ITGA9: variants seen among roughly 807,000 people sequenced by gnomAD.
ITGA9 encodes the protein integrin alpha-9.
ITGA9 carries 56 observed loss-of-function variants against 127.8 expected under a neutral mutation model. The observed-to-expected ratio is 0.44, with a 90% CI of 0.35 to 0.55. The LOEUF is 0.55. Among genes scored for constraint, ITGA9 ranks in the 20% least tolerant of loss-of-function variants. The pLI is 0.00. For missense variants in ITGA9, 1,196 were observed against 1,347.1 expected (o/e 0.89, Z 1.76); for synonymous variants, 508 against 514.5 (o/e 0.99, Z 0.17).
At chr3:37,721,482 C>G (rs1171450637) in intron 18 of ITGA9, among the ~76,000 whole-genome samples, 1 of 152,194 alleles carries the variant, frequency 6.6e-6, no homozygotes, top group East Asian at 1.9e-4. Flanking sequence ...TCATCTGCCT[C>G]AAACATTTGT....
intron 16 of ITGA9, among the ~76,000 whole-genome samples, chr3:37,639,598 AG>A (rs1375033805): frequency 6.6e-6 from 1 of 152,084 alleles, no homozygotes; most frequent in Non-Finnish European, 1.5e-5. Context: ...TCACTGGCTG[AG>A]GAGTTGGATG....
At chr3:37,618,771 A>T (rs180908551) in intron 15 of ITGA9, among the ~76,000 whole-genome samples, 19 of 152,336 alleles carry the variant, frequency 1.2e-4, no homozygotes, top group African/African-American at 2.9e-4. Context: ...TAGGCACGGG[A>T]TATAATCTCC....
rs1319458770 is a variant in ITGA9, at chr3:37,452,845, T to A, written c.185+286T>A. On this transcript the variant is annotated intron_variant, in intron 1 of 27. Transcript: ENST00000264741. This position sits in a 1 kb window ranked among gnomAD's most constrained non-coding sequence, Gnocchi z 7.3. ...TGGGGGGAGAGCCGCTAGAGTTGTC[T>A]CCTCCGCCGCCCAGCTAGACTCGGC... is the stretch of plus-strand genomic sequence containing the variant. Among the ~76,000 whole-genome samples the A allele has an allele frequency of 6.6e-6, 1 of 152,054 alleles. No homozygotes were observed. Among genetic ancestry groups the A allele is most frequent in the Non-Finnish European group, 1.5e-5 (1 of 67,976 alleles).
At position 37,518,771 on chromosome 3, in the gene ITGA9, C is replaced by CTTTTTTTTTTTTTTTT. The variant is rs543297344; in HGVS notation, c.1142-473_1142-458dup. 3.0e-4 allele frequency among the ~76,000 whole-genome samples: 13 copies of CTTTTTTTTTTTTTTTT among 43,492 alleles called. 4 individuals are homozygous for CTTTTTTTTTTTTTTTT. Among genetic ancestry groups the CTTTTTTTTTTTTTTTT allele is most frequent in the Admixed American group, 7.5e-4 (2 of 2,666 alleles). 28.5% of individuals were successfully genotyped at this position (43,492 alleles called of 152,430 possible). On this transcript the variant is annotated intron_variant, in intron 10 of 27. Transcript: ENST00000264741. ...GTCAGCTTCTATAGTTTTCACTGTA[C>CTTTTTTTTTTTTTTTT]TTTTTTTTTTTTTTTTTTTTTTTTT...
At chr3:37,517,374 C>T (rs1162327267) in intron 9 of ITGA9, 130 bp from the exon 10 acceptor site, 5 of 753,722 alleles carry the variant, frequency 6.6e-6, no homozygotes, top group Middle Eastern at 3.5e-4. Context: ...GTAATTCTGC[C>T]CAGGTGTTTC....
intron 17 of ITGA9, among the ~76,000 whole-genome samples, chr3:37,662,077 G>C (rs73070742): frequency 0.035 from 5,347 of 152,218 alleles, 139 homozygotes; most frequent in Non-Finnish European, 0.053. Flanking sequence ...GTACAGCCAA[G>C]TTGTAGTGTA....
At chr3:37,625,886 G>A (rs1247147341) in intron 15 of ITGA9, among the ~76,000 whole-genome samples, 1 of 152,146 alleles carries the variant, frequency 6.6e-6, no homozygotes, top group Non-Finnish European at 1.5e-5. Flanking sequence ...GCCTCAGTGT[G>A]GTTTGGGTCC....
intron 25 of ITGA9, among the ~76,000 whole-genome samples, chr3:37,780,806 C>T (rs1300045799): frequency 6.6e-6 from 1 of 152,100 alleles, no homozygotes; most frequent in Non-Finnish European, 1.5e-5. Flanking sequence ...ATAAGTGTTC[C>T]CTTTTCTTTG....
intron 15 of ITGA9, among the ~76,000 whole-genome samples, chr3:37,620,671 C>G (rs9869849): frequency 0.024 from 3,693 of 152,266 alleles, 129 homozygotes; most frequent in African/African-American, 0.082. Context: ...CCTGTCACCT[C>G]TCTTCCTCAG....
intron 23 of ITGA9, among the ~76,000 whole-genome samples, chr3:37,760,192 G>A (rs1240758591): frequency 6.6e-6 from 1 of 151,296 alleles, no homozygotes; most frequent in Non-Finnish European, 1.5e-5. Context: ...GAACCCAGGA[G>A]GCGGAGGTTG....
intron 1 of ITGA9, among the ~76,000 whole-genome samples, chr3:37,458,049 C>T (rs1698279712): frequency 1.3e-5 from 2 of 152,246 alleles, no homozygotes; most frequent in South Asian, 4.1e-4. Context: ...ATGGTGTTCT[C>T]TGAAATTCCT....
chr3:37,641,275 G>T (rs1311815565), intron 16 of ITGA9, among the ~76,000 whole-genome samples: 1 of 152,166 alleles, frequency 6.6e-6, no homozygotes, highest in Non-Finnish European at 1.5e-5. Context: ...GAGGGATCTA[G>T]ATTGTGCCGA....
chr3:37,547,144 T>C (rs1028019041), intron 15 of ITGA9, among the ~76,000 whole-genome samples: 2 of 151,856 alleles, frequency 1.3e-5, no homozygotes, highest in Non-Finnish European at 2.9e-5. Flanking sequence ...CAGAACCATG[T>C]GTCAGACACT....
At chr3:37,466,207 G>T (rs2125550345) in intron 1 of ITGA9, among the ~76,000 whole-genome samples, 1 of 152,226 alleles carries the variant, frequency 6.6e-6, no homozygotes, top group South Asian at 2.1e-4. Context: ...ATGAGGCCAG[G>T]CATAGTGGCT....
At chr3:37,779,803 C>CT (rs754218639) in intron 24 of ITGA9, 99 bp from the exon 25 acceptor site, 22 of 1,172,134 alleles carry the variant, frequency 1.9e-5, no homozygotes, top group Non-Finnish European at 2.7e-5. Context: ...CTGGAATTGC[C>CT]TTAGTCACCA....
At chr3:37,576,145 G>A (rs1046448296) in intron 15 of ITGA9, among the ~76,000 whole-genome samples, 4 of 152,176 alleles carry the variant, frequency 2.6e-5, no homozygotes, top group Non-Finnish European at 4.4e-5. Context: ...ACAGGTCAGC[G>A]TCCTTGTCCT....
intron 16 of ITGA9, among the ~76,000 whole-genome samples, chr3:37,635,795 A>C: frequency 9.9e-6 from 1 of 100,958 alleles, no homozygotes; most frequent in East Asian, 3.2e-4. Flanking sequence ...CCAACCCCAC[A>C]ACCGTCCCCG....
intron 20 of ITGA9, among the ~76,000 whole-genome samples, chr3:37,741,030 G>A (rs1040829259): frequency 2.6e-5 from 4 of 152,148 alleles, no homozygotes; most frequent in African/African-American, 9.7e-5. Flanking sequence ...CATAGCTGCT[G>A]AAGTCTAGCA....
intron 11 of ITGA9, among the ~76,000 whole-genome samples, chr3:37,519,990 C>G (rs1483974157): frequency 6.6e-6 from 1 of 152,220 alleles, no homozygotes; most frequent in Non-Finnish European, 1.5e-5. Context: ...TGGCTCTGGT[C>G]TTTCTCCCAG....
Sources: gnomAD v4.1 joint callset for allele counts (sites outside exome capture counted in the v4.1 genomes callset) on GRCh38, gnomAD v4.1.1 for gene constraint, Gnocchi (gnomAD v3.1) non-coding constraint, MANE v1.5 for transcripts, NCBI Gene and HGNC (gene_info 2026-07-23, HGNC 2026-07-21) for gene names.